The following ARFIP1 variants were observed in gnomAD, a reference collection of about 807,000 sequenced individuals.
ARFIP1 encodes the protein arfaptin-1.
Under a neutral mutation model 42.5 loss-of-function variants are expected in ARFIP1, and 24 were observed. That is an observed-to-expected ratio of 0.57 (90% CI 0.41 to 0.80). The LOEUF is 0.80. ARFIP1 is among the 30% of genes least tolerant of loss of function. The pLI is 0.00. For missense variants in ARFIP1, 354 were observed against 434.0 expected (o/e 0.82, Z 1.64); for synonymous variants, 141 against 153.7 (o/e 0.92, Z 0.61).
intron 1 of ARFIP1, among the ~76,000 whole-genome samples, chr4:152,818,752 C>T (rs1205315668): frequency 6.6e-6 from 1 of 152,186 alleles, no homozygotes; most frequent in Non-Finnish European, 1.5e-5. Flanking sequence ...CAAATGTAGG[C>T]TGCCTAGGAC....
At chr4:152,857,949 C>A (rs1418488097) in intron 2 of ARFIP1, among the ~76,000 whole-genome samples, 1 of 152,186 alleles carries the variant, frequency 6.6e-6, no homozygotes, top group Non-Finnish European at 1.5e-5. Context: ...GTGACTAGAG[C>A]AGTGGCTGTC....
intron 3 of ARFIP1, among the ~76,000 whole-genome samples, chr4:152,867,238 A>G (rs896001409): frequency 6.6e-6 from 1 of 152,334 alleles, no homozygotes; most frequent in South Asian, 2.1e-4. Context: ...CTCCGTCTGC[A>G]ATCCCGGCAC....
In ARFIP1 at chr4:152,853,824, A is replaced by T. The variant is rs1323753125; in HGVS notation, c.94-9782A>T. ...TCACTTTATGTTGTCTCATGTCATG[A>T]ATACTTTCCTCATTCTTTTTTATTC... On this transcript the variant is annotated intron_variant, in intron 2 of 8. Coordinates refer to ENST00000353617, the MANE Select transcript of ARFIP1 (RefSeq NM_001025595.3). 2.0e-5 allele frequency among the ~76,000 whole-genome samples: 3 copies of T among 151,948 alleles called. No homozygotes were observed. The South Asian group carries it at 6.2e-4, about 32-fold the overall frequency.
chr4:152,863,043 A>G (rs904774874), intron 2 of ARFIP1, among the ~76,000 whole-genome samples: 2 of 152,168 alleles, frequency 1.3e-5, no homozygotes, highest in Admixed American at 1.3e-4. Flanking sequence ...TATTTTTATT[A>G]TAATAAGGTT....
chr4:152,876,048 A>C (rs1173750417), intron 5 of ARFIP1, among the ~76,000 whole-genome samples: 1 of 152,154 alleles, frequency 6.6e-6, no homozygotes, highest in South Asian at 2.1e-4. Flanking sequence ...AAGTCCAGTT[A>C]AACCTCTTTT....
chr4:152,804,311 T>A (rs1188809272), intron 1 of ARFIP1, among the ~76,000 whole-genome samples: 7 of 77,290 alleles, frequency 9.1e-5, no homozygotes, highest in Non-Finnish European at 1.7e-4. Context: ...TATATATATA[T>A]AACATAACAT....
Position 152,832,442 on chromosome 4 carries a change from A to G in ARFIP1, c.93+2716A>G, listed in dbSNP as rs185458926. ...CTACTGGGTGTGTGTCTTTTTTTCT[A>G]ATCTATTTGTAGGAGTTCTTTATAT... On this transcript the variant is annotated intron_variant, in intron 2 of 8. Coordinates refer to ENST00000353617, the MANE Select transcript of ARFIP1 (RefSeq NM_001025595.3). 1.3e-4 allele frequency among the ~76,000 whole-genome samples: 20 copies of G among 152,014 alleles called. No homozygotes were observed. In the East Asian group the frequency reaches 3.7e-3, roughly 28 times the overall value.
intron 1 of ARFIP1, among the ~76,000 whole-genome samples, chr4:152,813,441 TCTC>T (rs113324231): frequency 6.8e-4 from 104 of 152,296 alleles, no homozygotes; most frequent in African/African-American, 2.3e-3. Context: ...GCGTTTTTCC[TCTC>T]CTCCTCTTTT....
intron 5 of ARFIP1, among the ~76,000 whole-genome samples, chr4:152,879,314 GA>G: frequency 6.6e-6 from 1 of 152,024 alleles, no homozygotes; most frequent in Non-Finnish European, 1.5e-5. Context: ...TCATAGAAAA[GA>G]AATATTCAGG....
intron 3 of ARFIP1, among the ~76,000 whole-genome samples, chr4:152,867,398 A>G (rs953477308): frequency 6.6e-6 from 1 of 152,106 alleles, no homozygotes; most frequent in Non-Finnish European, 1.5e-5. Context: ...CAGCAGGCTG[A>G]GGCAGGAGAA....
chr4:152,780,910 C>G (rs1730447857), intron 1 of ARFIP1, among the ~76,000 whole-genome samples: 1 of 152,194 alleles, frequency 6.6e-6, no homozygotes, highest in African/African-American at 2.4e-5. Context: ...TTTGTTCTTA[C>G]CTTCCTCTTG....
chr4:152,788,221 C>A (rs142891133), intron 1 of ARFIP1, among the ~76,000 whole-genome samples: 1 of 152,162 alleles, frequency 6.6e-6, no homozygotes, highest in Non-Finnish European at 1.5e-5. Context: ...GACAGCAAGA[C>A]TCCGTCTCAA....
In ARFIP1 at chr4:152,910,364, A is replaced by G. The variant is rs1738748378; in HGVS notation, c.*145A>G. The G allele has an allele frequency of 1.1e-6, 1 of 938,210 alleles. No individual in the cohort carries two copies. Among genetic ancestry groups the G allele is most frequent in the Non-Finnish European group, 1.5e-6 (1 of 648,876 alleles). The allele number at this position is 938,210 out of a possible 1,614,324, so 58.1% of individuals were successfully genotyped here. The stretch of plus-strand genomic sequence containing the variant: ...AACAGCTTTAATTTTTCCCTTTTTC[A>G]TACTTTAACAATTGAACTGTTAAGG... On this transcript the variant is annotated 3_prime_UTR_variant, in exon 9 of 9. Coordinates refer to ENST00000353617, the MANE Select transcript of ARFIP1 (RefSeq NM_001025595.3).
chr4:152,871,590 G>T (rs1055331589), intron 4 of ARFIP1, among the ~76,000 whole-genome samples: 12 of 152,084 alleles, frequency 7.9e-5, no homozygotes, highest in African/African-American at 2.4e-4. Context: ...AGTGAGAGAA[G>T]AAATTTTTGG....
At chr4:152,803,043 G>A (rs1728548943) in intron 1 of ARFIP1, among the ~76,000 whole-genome samples, 1 of 152,154 alleles carries the variant, frequency 6.6e-6, no homozygotes, top group Admixed American at 6.5e-5. Context: ...GAATTACTGT[G>A]TATCCTCAGG....
At position 152,905,550 on chromosome 4, in the gene ARFIP1, T is replaced by TTTG. The variant is rs1238349146; in HGVS notation, c.967-4512_967-4511insGTT. Among the ~76,000 whole-genome samples, 128 of 105,222 alleles carry TTTG rather than the reference T, an allele frequency of 1.2e-3. 3 individuals are homozygous for TTTG. Among genetic ancestry groups the TTTG allele is most frequent in the African/African-American group, 4.4e-3 (125 of 28,322 alleles). 69.0% of individuals were successfully genotyped at this position (105,222 alleles called of 152,430 possible). On this transcript the variant is annotated intron_variant, in intron 8 of 8. Coordinates refer to ENST00000353617, the MANE Select transcript of ARFIP1 (RefSeq NM_001025595.3). ...CTTACTGAATTGTAAGAATTGTTTTTTTTTTTTTTTTTTTTTTTTTGAGAT... is the reference window on the plus strand; with the variant it reads ...CTTACTGAATTGTAAGAATTGTTTTTTTGTTTTTTTTTTTTTTTTTTTTGAGAT...
intron 2 of ARFIP1, among the ~76,000 whole-genome samples, chr4:152,837,486 A>T (rs1259544321): frequency 6.6e-6 from 1 of 152,006 alleles, no homozygotes. Context: ...GAGTGAGGTG[A>T]TATTGCGTTG....
At chr4:152,789,108 T>TTTG (rs1561096806) in intron 1 of ARFIP1, among the ~76,000 whole-genome samples, 2 of 133,620 alleles carry the variant, frequency 1.5e-5, no homozygotes, top group African/African-American at 3.1e-5. Context: ...TTTTTTTTTT[T>TTTG]GAGGTAGAGT....
chr4:152,812,828 C>G (rs150874072), intron 1 of ARFIP1, among the ~76,000 whole-genome samples: 2 of 152,268 alleles, frequency 1.3e-5, no homozygotes, highest in East Asian at 3.9e-4. Context: ...ATTCTAGATT[C>G]CTCCTTCTTT....
Sources: allele counts gnomAD v4.1 joint callset (sites outside exome capture counted in the v4.1 genomes callset), GRCh38; gene constraint gnomAD v4.1.1; transcripts MANE v1.5; gene names NCBI Gene and HGNC (gene_info 2026-07-23, HGNC 2026-07-21).